Variants in TMEM232 observed in about 807,000 individuals in gnomAD.
TMEM232 encodes the protein transmembrane protein 232.
A neutral mutation model predicts 78.8 loss-of-function variants in TMEM232; 80 were observed. That is an observed-to-expected ratio of 1.01 (90% confidence interval 0.85 to 1.22). TMEM232 has a LOEUF of 1.22. TMEM232 is among the 50% of genes most tolerant of loss of function. The probability of loss-of-function intolerance (pLI) is 0.00; values close to 1 mark genes in which losing one functional copy is unlikely to be tolerated. For synonymous variants in TMEM232, 297 were observed against 254.3 expected (o/e 1.17, Z -1.60); for missense variants, 881 against 742.2 (o/e 1.19, Z -2.17).
intron 12 of TMEM232, among the ~76,000 whole-genome samples, chr5:110,508,691 A>C (rs1190947364): frequency 1.3e-5 from 2 of 150,728 alleles, no homozygotes; most frequent in East Asian, 3.9e-4. Context: ...TTTCTGGTCA[A>C]GCTGTTTGTG....
intron 5 of TMEM232, among the ~76,000 whole-genome samples, chr5:110,635,639 TAA>T (rs1785701712): frequency 6.6e-6 from 1 of 151,902 alleles, no homozygotes; most frequent in Non-Finnish European, 1.5e-5. Context: ...CCCTTCATGA[TAA>T]AAAGTCTCCA....
intron 1 of TMEM232, among the ~76,000 whole-genome samples, chr5:110,689,989 G>A (rs1198380332): frequency 6.6e-6 from 1 of 152,136 alleles, no homozygotes; most frequent in East Asian, 1.9e-4. Context: ...ATTAACTCAA[G>A]ATGGTTTAAA....
At chr5:110,396,316 C>T (rs182331162) in intron 3 of TMEM232, among the ~76,000 whole-genome samples, 26 of 152,284 alleles carry the variant, frequency 1.7e-4, no homozygotes, top group Middle Eastern at 6.8e-3. Context: ...TACAATTCAA[C>T]ATGAGATTTG....
At chr5:110,408,735 G>T (rs1229173420) in intron 2 of TMEM232, among the ~76,000 whole-genome samples, 1 of 151,938 alleles carries the variant, frequency 6.6e-6, no homozygotes, top group African/African-American at 2.4e-5. Flanking sequence ...GAGTAAAAAA[G>T]GAGACAACAA....
At chr5:110,495,013 A>G (rs949909192) in intron 12 of TMEM232, among the ~76,000 whole-genome samples, 2 of 151,690 alleles carry the variant, frequency 1.3e-5, no homozygotes, top group African/African-American at 4.8e-5. Flanking sequence ...CAGTAGGAGA[A>G]TGGAATTGTG....
rs1274263163 is a variant in TMEM232, at chr5:110,606,209, G to A, written c.981C>T (p.Asp327=). ...LNMACLKALM[D]VVRDFVSSIM... is the part of the protein sequence containing the mutation. ...TGCTTGAAACAAAATCTCTCACTAC[G>A]TCCATTAAAGCTTTCAAGCAGGCCA... The change falls in exon 9 of 14, where the codon GAC becomes GAT. Residue 327 remains aspartate (D), a synonymous_variant. Coordinates refer to ENST00000455884, the MANE Select transcript of TMEM232 (RefSeq NM_001039763.4). The A allele has an allele frequency of 7.1e-6, 11 of 1,547,462 alleles. 1 individual carries two copies. The highest frequency in any genetic ancestry group is 3.6e-5 in the South Asian group (3 of 83,514).
upstream of TMEM232, among the ~76,000 whole-genome samples, chr5:110,729,749 G>A (rs550941298): frequency 6.6e-6 from 1 of 152,124 alleles, no homozygotes. Flanking sequence ...CTGCTTCTTG[G>A]TCCTCTAGAA....
intron 1 of TMEM232, among the ~76,000 whole-genome samples, chr5:110,690,290 GA>G (rs1237733749): frequency 6.6e-6 from 1 of 152,064 alleles, no homozygotes; most frequent in African/African-American, 2.4e-5. Flanking sequence ...AAATTTACAA[GA>G]AATAAACAAC....
chr5:110,733,343 G>T (rs1798855896), intron 2 of TMEM232, among the ~76,000 whole-genome samples: 2 of 151,990 alleles, frequency 1.3e-5, no homozygotes, highest in South Asian at 4.2e-4. Context: ...CCATTACTAG[G>T]TATATAACCA....
chr5:110,724,476 G>T (rs1438715658), intron 1 of TMEM232, among the ~76,000 whole-genome samples: 1 of 152,144 alleles, frequency 6.6e-6, no homozygotes, highest in Non-Finnish European at 1.5e-5. Context: ...TCTTAATCCA[G>T]TATTATTTTA....
intron 5 of TMEM232, among the ~76,000 whole-genome samples, chr5:110,634,694 A>T (rs749839270): frequency 1.3e-5 from 2 of 152,118 alleles, no homozygotes; most frequent in Non-Finnish European, 2.9e-5. Context: ...GAGACAGAGC[A>T]AAAGCAGTGT....
chr5:110,610,681 A>G (rs1398937818), intron 8 of TMEM232: 1 of 389,246 alleles, frequency 2.6e-6, no homozygotes, highest in Non-Finnish European at 5.0e-6. Flanking sequence ...TGGACTGAAA[A>G]TTAAACATAT....
intron 11 of TMEM232, among the ~76,000 whole-genome samples, chr5:110,543,250 C>T (rs895970250): frequency 1.1e-4 from 16 of 152,094 alleles, no homozygotes; most frequent in Admixed American, 1.0e-3. Flanking sequence ...ATACAGATGC[C>T]ACCTCTTTCT....
upstream of TMEM232, among the ~76,000 whole-genome samples, chr5:110,731,670 C>A (rs1376248660): frequency 6.6e-6 from 1 of 152,228 alleles, no homozygotes; most frequent in African/African-American, 2.4e-5. Context: ...GGACACAGGA[C>A]ACCAAGTCCC....
intron 10 of TMEM232, among the ~76,000 whole-genome samples, chr5:110,569,179 A>G (rs943573762): frequency 6.6e-6 from 1 of 151,958 alleles, no homozygotes; most frequent in Non-Finnish European, 1.5e-5. Context: ...TATAGGAAAA[A>G]GTAATGAAAA....
At chr5:110,478,508 G>T (rs1379410531) in intron 12 of TMEM232, among the ~76,000 whole-genome samples, 1 of 151,712 alleles carries the variant, frequency 6.6e-6, no homozygotes. Context: ...TTTTGGGCTT[G>T]GATTATCTAG....
intron 10 of TMEM232, among the ~76,000 whole-genome samples, chr5:110,594,273 C>A (rs953325781): frequency 6.6e-6 from 1 of 152,052 alleles, no homozygotes; most frequent in South Asian, 2.1e-4. Context: ...TGCTATCCAG[C>A]CCAGATACTA....
chr5:110,475,908 C>T (rs1442981876), intron 12 of TMEM232, among the ~76,000 whole-genome samples: 1 of 151,972 alleles, frequency 6.6e-6, no homozygotes, highest in African/African-American at 2.4e-5. Flanking sequence ...TCATAGTTCA[C>T]AGACATCAGG....
At chr5:110,403,943 G>T (rs58270372) in intron 2 of TMEM232, among the ~76,000 whole-genome samples, 5,401 of 152,008 alleles carry the variant, frequency 0.036, 343 homozygotes, top group African/African-American at 0.12. Flanking sequence ...GAGAGGCAAA[G>T]AAGAATTAGT....
Sources: allele counts gnomAD v4.1 joint callset (sites outside exome capture counted in the v4.1 genomes callset), GRCh38; gene constraint gnomAD v4.1.1; transcripts MANE v1.5; gene names NCBI Gene and HGNC (gene_info 2026-07-23, HGNC 2026-07-21).